The following CPXM2 variants were observed in gnomAD, a reference collection of about 807,000 sequenced individuals.
CPXM2 encodes the protein carboxypeptidase X, M14 family member 2.
In CPXM2, 66 loss-of-function variants were observed where a neutral mutation model predicts 86.1. The observed-to-expected ratio is 0.77, with a 90% CI of 0.63 to 0.94. CPXM2 has a LOEUF of 0.94. Ranked by LOEUF, CPXM2 falls within the 40% of genes least tolerant of loss-of-function variation. The pLI is 0.00. For synonymous variants in CPXM2, 388 were observed against 400.2 expected (o/e 0.97, Z 0.36); for missense variants, 948 against 1,026.3 (o/e 0.92, Z 1.04).
At chr10:123,757,514 A>C (rs960922358) in intron 11 of CPXM2, among the ~76,000 whole-genome samples, 162 bp from the exon 12 acceptor site, 5 of 152,224 alleles carry the variant, frequency 3.3e-5, no homozygotes, top group African/African-American at 1.2e-4. Flanking sequence ...CATTAGAGCA[A>C]ATGTGTGTGA....
At chr10:123,853,950 T>A (rs915925483) in intron 3 of CPXM2, among the ~76,000 whole-genome samples, 2 of 151,878 alleles carry the variant, frequency 1.3e-5, no homozygotes, top group African/African-American at 4.8e-5. Context: ...ATTCTTTCTT[T>A]CCCTCCTCCT....
In CPXM2 at chr10:123,891,335, C is replaced by G. The variant is rs1945265745; in HGVS notation, c.304+21G>C. The G allele has an allele frequency of 1.2e-5, 18 of 1,495,746 alleles. No homozygotes were observed. Among genetic ancestry groups the G allele is most frequent in the Non-Finnish European group, 1.6e-5 (18 of 1,123,520 alleles). The allele number at this position is 1,495,746 out of a possible 1,614,324, so 92.7% of individuals were successfully genotyped here. On this transcript the variant is annotated intron_variant, in intron 1 of 13. Coordinates refer to ENST00000241305, the MANE Select transcript of CPXM2 (RefSeq NM_198148.3). This position sits in a 1 kb window ranked among gnomAD's most constrained non-coding sequence, Gnocchi z 5.6. ...AACCACCGGCGCCCCCTCGGGCTGC[C>G]CAGCGCAGAAAGTTCCTTACCTGGT... is the stretch of plus-strand genomic sequence containing the variant.
In CPXM2 at chr10:123,912,523, G is replaced by A. The variant is rs751107280; in HGVS notation, n.174+26954C>T. Among the ~76,000 whole-genome samples, 21 of 152,366 alleles carry A rather than the reference G, an allele frequency of 1.4e-4. No homozygotes were observed. The East Asian group carries it at 4.1e-3, about 29-fold the overall frequency. On this transcript the variant is annotated intron_variant and non_coding_transcript_variant, in intron 2 of 19. Transcript: ENST00000368854. ...TGGTGCCCTCCCAGACATTGCACCG[G>A]TGTGGAAAAGAAGGGGAGGGGCTGG...
chr10:123,797,947 C>A, intron 6 of CPXM2, 29 bp downstream of exon 6: 1 of 1,546,870 alleles, frequency 6.5e-7, no homozygotes, highest in Non-Finnish European at 8.7e-7. Context: ...TGCTCCCACC[C>A]TGCAGGAAGC....
intron 2 of CPXM2, among the ~76,000 whole-genome samples, chr10:123,867,947 T>C (rs1162659805): frequency 6.6e-6 from 1 of 152,154 alleles, no homozygotes; most frequent in African/African-American, 2.4e-5. Context: ...GAGAAAATTA[T>C]GCAGGATGAG....
intron 10 of CPXM2, among the ~76,000 whole-genome samples, chr10:123,765,617 C>T (rs1846452979): frequency 6.6e-6 from 1 of 152,172 alleles, no homozygotes; most frequent in African/African-American, 2.4e-5. Context: ...CTGTGGGAAA[C>T]ATGAGAGCAG....
chr10:123,918,858 G>T (rs1221534223), intron 2 of CPXM2, among the ~76,000 whole-genome samples: 1 of 152,140 alleles, frequency 6.6e-6, no homozygotes, highest in Non-Finnish European at 1.5e-5. Flanking sequence ...AAGGACGTCT[G>T]TTATCTCCTC....
intron 10 of CPXM2, among the ~76,000 whole-genome samples, chr10:123,765,597 A>C (rs537103758): frequency 7.9e-5 from 12 of 152,364 alleles, no homozygotes; most frequent in African/African-American, 1.9e-4. Context: ...AAAAACAACT[A>C]AAACAGGTTC....
At chr10:123,919,790 G>C (rs1024319558) in intron 2 of CPXM2, among the ~76,000 whole-genome samples, 12 of 152,218 alleles carry the variant, frequency 7.9e-5, no homozygotes, top group African/African-American at 2.9e-4. Context: ...GACTGTACAA[G>C]AAGGATGTCA....
intron 4 of CPXM2, among the ~76,000 whole-genome samples, chr10:123,814,350 C>G (rs192081058): frequency 9.5e-4 from 144 of 152,300 alleles, no homozygotes; most frequent in Non-Finnish European, 1.7e-3. Flanking sequence ...CTACATCTTT[C>G]TACTGTGCTG....
chr10:123,754,281 G>A lies in CPXM2; in HGVS notation c.2017+382C>T, dbSNP rs1846147397. On this transcript the variant is annotated intron_variant, in intron 13 of 13. Transcript: ENST00000241305. The surrounding 1 kb of genome is among the most constrained non-coding windows in gnomAD (Gnocchi z 4.0). Reference sequence around the variant, plus strand: ...GCTTCTCCCTCTCCGGAGCAGCCTGGCTCCCTCGCTCCCTGGCCCCTCTGC... The same window carrying A: ...GCTTCTCCCTCTCCGGAGCAGCCTGACTCCCTCGCTCCCTGGCCCCTCTGC... Among the ~76,000 whole-genome samples the A allele has an allele frequency of 6.6e-6, 1 of 152,124 alleles. No homozygotes were observed. Among genetic ancestry groups the A allele is most frequent in the South Asian group, 2.1e-4 (1 of 4,828 alleles).
At chr10:123,934,844 A>G (rs935963258) in intron 2 of CPXM2, among the ~76,000 whole-genome samples, 2 of 151,616 alleles carry the variant, frequency 1.3e-5, no homozygotes, top group East Asian at 3.9e-4. Context: ...TGTGCCTCCC[A>G]CTAGCTGTGT....
At chr10:123,816,350 A>G (rs998750003) in intron 4 of CPXM2, among the ~76,000 whole-genome samples, 1 of 152,218 alleles carries the variant, frequency 6.6e-6, no homozygotes, top group African/African-American at 2.4e-5. Context: ...GAGGGCTATT[A>G]TGGTGAGAAA....
chr10:123,782,304 G>A (rs942752655), intron 6 of CPXM2, among the ~76,000 whole-genome samples: 2 of 152,130 alleles, frequency 1.3e-5, no homozygotes, highest in Admixed American at 6.5e-5. Context: ...TATTCAACAC[G>A]CCCTAAACCT....
intron 2 of CPXM2, among the ~76,000 whole-genome samples, chr10:123,875,802 T>A (rs1379041429): frequency 1.1e-4 from 11 of 99,856 alleles, no homozygotes; most frequent in Admixed American, 1.1e-3. Context: ...TTCTTTCTTT[T>A]CTTTCTTTTT....
chr10:123,881,960 AAAG>A (rs1170741814), intron 1 of CPXM2, among the ~76,000 whole-genome samples: 3 of 152,272 alleles, frequency 2.0e-5, no homozygotes, highest in Non-Finnish European at 4.4e-5. Flanking sequence ...TGACAAACAG[AAAG>A]AAGAGGCAGG....
At chr10:123,840,965 C>T (rs2138919) in intron 4 of CPXM2, among the ~76,000 whole-genome samples, 46,283 of 152,014 alleles carry the variant, frequency 0.3, 8,066 homozygotes, top group African/African-American at 0.48. Context: ...AACAAGTAAT[C>T]AGTAAATATT....
chr10:123,841,364 A>G (rs549395421), intron 4 of CPXM2, among the ~76,000 whole-genome samples: 1 of 152,332 alleles, frequency 6.6e-6, no homozygotes, highest in Non-Finnish European at 1.5e-5. Flanking sequence ...TTGTAAAATA[A>G]ACATAACATA....
At chr10:123,757,381 CTGAACAAT>C in intron 11 of CPXM2, 29 bp from the exon 12 acceptor site, 2 of 1,595,596 alleles carry the variant, frequency 1.3e-6, no homozygotes, top group Non-Finnish European at 1.7e-6. Flanking sequence ...AACACTTTAA[CTGAACAAT>C]ACTCAAAATG....
Sources: gnomAD v4.1 joint callset for allele counts (sites outside exome capture counted in the v4.1 genomes callset) on GRCh38, gnomAD v4.1.1 for gene constraint, Gnocchi (gnomAD v3.1) non-coding constraint, MANE v1.5 for transcripts, NCBI Gene and HGNC (gene_info 2026-07-23, HGNC 2026-07-21) for gene names.